The following CCDC171 variants were observed in gnomAD, a reference collection of about 807,000 sequenced individuals.
CCDC171 encodes coiled-coil domain containing 171, also known as coiled-coil domain-containing protein 171.
A neutral mutation model predicts 168.2 loss-of-function variants in CCDC171; 177 were observed. That is an observed-to-expected ratio of 1.05 (90% confidence interval 0.93 to 1.19). The LOEUF is 1.19. Among genes scored for constraint, CCDC171 ranks in the 50% most tolerant of loss-of-function variants. The probability of loss-of-function intolerance (pLI) is 0.00; values close to 1 mark genes in which losing one functional copy is unlikely to be tolerated. For synonymous variants in CCDC171, 687 were observed against 540.8 expected (o/e 1.27, Z -3.75); for missense variants, 1,991 against 1,539.0 (o/e 1.29, Z -4.91).
the CCDC171 span, among the ~76,000 whole-genome samples, chr9:16,071,596 C>T: frequency 2.0e-5 from 3 of 152,226 alleles, no homozygotes; most frequent in African/African-American, 7.2e-5. Context: ...CACAAGCACA[C>T]GAGCACAGCT....
intron 18 of CCDC171, among the ~76,000 whole-genome samples, chr9:15,761,528 A>ACTCC (rs1280480815): frequency 9.2e-5 from 14 of 152,180 alleles, no homozygotes; most frequent in African/African-American, 3.4e-4. Flanking sequence ...CTCAGACTCC[A>ACTCC]CTCCAGACCT....
chr9:16,084,508 G>A, the CCDC171 span, among the ~76,000 whole-genome samples: 1 of 152,148 alleles, frequency 6.6e-6, no homozygotes, highest in Non-Finnish European at 1.5e-5. Context: ...TGTAATTGAA[G>A]TCCATGCATT....
chr9:15,695,471 C>T (rs753619319), intron 11 of CCDC171, 134 bp downstream of exon 11: 11 of 702,030 alleles, frequency 1.6e-5, no homozygotes, highest in Non-Finnish European at 2.5e-5. Context: ...AAGAGCAGTT[C>T]TCACAGCAGT....
rs1359679207 is a variant in CCDC171 at position 15,824,254 on chromosome 9, A to G, written c.3268-22448A>G. On this transcript the variant is annotated intron_variant, in intron 21 of 25. Coordinates refer to ENST00000380701, the MANE Select transcript of CCDC171 (RefSeq NM_173550.4). ...TACAGTTTATGTAAATAAATTATGT[A>G]TTTCACATATATGTCTATATACAAT... Among the ~76,000 whole-genome samples the G allele has an allele frequency of 2.0e-5, 3 of 152,048 alleles. No homozygotes were observed. The East Asian group carries it at 5.8e-4, about 29-fold the overall frequency.
the CCDC171 span, among the ~76,000 whole-genome samples, chr9:16,096,983 G>A: frequency 6.6e-6 from 1 of 152,302 alleles, no homozygotes; most frequent in Admixed American, 6.5e-5. Flanking sequence ...AAGGAAAGGA[G>A]GCAAAAGGGG....
chr9:15,938,811 A>C (rs1827386801), intron 25 of CCDC171, among the ~76,000 whole-genome samples: 1 of 151,866 alleles, frequency 6.6e-6, no homozygotes, highest in South Asian at 2.1e-4. Flanking sequence ...GGGCCAGCTA[A>C]GGTTACAGGA....
chr9:15,676,273 C>T (rs538541603), intron 9 of CCDC171, among the ~76,000 whole-genome samples: 3 of 152,170 alleles, frequency 2.0e-5, no homozygotes, highest in East Asian at 3.9e-4. Flanking sequence ...TAGCCGTTCG[C>T]CTGACCTTTT....
intron 21 of CCDC171, among the ~76,000 whole-genome samples, chr9:15,834,883 A>C (rs1001333425): frequency 6.6e-6 from 1 of 152,236 alleles, no homozygotes; most frequent in Admixed American, 6.5e-5. Context: ...TTTTAGGAGT[A>C]AAATCAGAGT....
intron 25 of CCDC171, among the ~76,000 whole-genome samples, chr9:15,937,371 T>A (rs949274199): frequency 1.3e-5 from 2 of 152,008 alleles, no homozygotes; most frequent in African/African-American, 4.8e-5. Context: ...AATTTTTTCA[T>A]AGTGAGAAAA....
chr9:15,896,955 A>G (rs1443347093), intron 24 of CCDC171, among the ~76,000 whole-genome samples: 1 of 152,000 alleles, frequency 6.6e-6, no homozygotes, highest in Non-Finnish European at 1.5e-5. Flanking sequence ...AAGAAAGGTC[A>G]TTTTTTTCTG....
At chr9:15,735,974 T>G (rs182671731) in intron 16 of CCDC171, among the ~76,000 whole-genome samples, 1 of 152,304 alleles carries the variant, frequency 6.6e-6, no homozygotes, top group Admixed American at 6.5e-5. Context: ...TGCTTTTGCA[T>G]ATTTTGTATG....
At chr9:15,955,848 G>A (rs1027571139) in intron 25 of CCDC171, among the ~76,000 whole-genome samples, 9 of 152,114 alleles carry the variant, frequency 5.9e-5, no homozygotes, top group African/African-American at 1.2e-4. Flanking sequence ...GGAAACAGAC[G>A]TGTGTGTATG....
At chr9:15,968,128 G>A (rs1015919042) in intron 25 of CCDC171, among the ~76,000 whole-genome samples, 1 of 152,122 alleles carries the variant, frequency 6.6e-6, no homozygotes, top group Non-Finnish European at 1.5e-5. Flanking sequence ...ATGGACTATA[G>A]CAGTTCAAAT....
At chr9:15,707,697 A>C (rs1033571149) in intron 11 of CCDC171, among the ~76,000 whole-genome samples, 1 of 152,058 alleles carries the variant, frequency 6.6e-6, no homozygotes, top group Non-Finnish European at 1.5e-5. Flanking sequence ...TCTCTTTCCT[A>C]CTTTTTCTGG....
intron 14 of CCDC171, 100 bp downstream of exon 14, chr9:15,725,076 G>A (rs939467872): frequency 1.6e-5 from 13 of 831,986 alleles, no homozygotes; most frequent in African/African-American, 5.1e-5. Context: ...TAAGAAAATT[G>A]TTCTGAGCAG....
At chr9:15,862,558 C>A (rs2061605638) in intron 23 of CCDC171, among the ~76,000 whole-genome samples, 1 of 151,526 alleles carries the variant, frequency 6.6e-6, no homozygotes, top group African/African-American at 2.4e-5. Flanking sequence ...TTATCTTGTT[C>A]CTTTTTTGGA....
Position 15,846,705 on chromosome 9 carries a change from C to G in CCDC171, c.3271C>G (p.Leu1091Val). 8 of 1,612,590 alleles carry G rather than the reference C, an allele frequency of 5.0e-6. No homozygotes were observed. Among genetic ancestry groups the G allele is most frequent in the Non-Finnish European group, 6.8e-6 (8 of 1,179,176 alleles). Residue 1091 changes from leucine to valine, a missense_variant, in exon 22 of 26, where the codon CTC becomes GTC. Transcript: ENST00000380701. ...TCTGTTTTCTGTCTGCTTGCAGAGT[C>G]TCTCCGAGGCAAAGATGGAGCTGAG... is the stretch of plus-strand genomic sequence containing the variant. The part of the protein sequence containing the change: ...NQTLGEAVKS[L>V]SEAKMELRRK...
chr9:15,627,133 G>C (rs1740119226), intron 7 of CCDC171, among the ~76,000 whole-genome samples: 2 of 152,268 alleles, frequency 1.3e-5, no homozygotes, highest in South Asian at 2.1e-4. Flanking sequence ...TCTGATGGTA[G>C]TTTGTATTTC....
chr9:15,733,929 A>T (rs185034329), intron 16 of CCDC171, among the ~76,000 whole-genome samples: 82 of 152,162 alleles, frequency 5.4e-4, no homozygotes, highest in African/African-American at 1.9e-3. Flanking sequence ...TACCATGCCT[A>T]ACTAATTTTA....
Sources: gnomAD v4.1 joint callset for allele counts (sites outside exome capture counted in the v4.1 genomes callset) on GRCh38, gnomAD v4.1.1 for gene constraint, MANE v1.5 for transcripts, NCBI Gene and HGNC (gene_info 2026-07-23, HGNC 2026-07-21) for gene names.